The following FHIT variants were observed in gnomAD, a reference collection of about 807,000 sequenced individuals.
The protein encoded by FHIT is fragile histidine triad diadenosine triphosphatase.
In FHIT, 19 loss-of-function variants were observed where a neutral mutation model predicts 17.9. The observed-to-expected ratio is 1.06, with a 90% CI of 0.74 to 1.56. The LOEUF is 1.56. Among genes scored for constraint, FHIT ranks in the 40% most tolerant of loss-of-function variants. FHIT has a pLI of 0.00. For synonymous variants in FHIT, 81 were observed against 69.7 expected (o/e 1.16, Z -0.81); for missense variants, 248 against 189.2 (o/e 1.31, Z -1.82).
intron 8 of FHIT, among the ~76,000 whole-genome samples, chr3:59,852,156 T>C (rs1264306843): frequency 6.6e-6 from 1 of 152,164 alleles, no homozygotes; most frequent in East Asian, 1.9e-4. Context: ...TCCATCTCCT[T>C]AGGTAAACTA....
intron 8 of FHIT, among the ~76,000 whole-genome samples, chr3:59,913,027 A>C (rs1014131534): frequency 2.0e-5 from 3 of 152,224 alleles, no homozygotes; most frequent in African/African-American, 4.8e-5. Context: ...TGTTTAACAA[A>C]AACTATAAAA....
intron 5 of FHIT, among the ~76,000 whole-genome samples, chr3:60,380,712 C>T (rs996334570): frequency 6.6e-6 from 1 of 152,126 alleles, no homozygotes; most frequent in Non-Finnish European, 1.5e-5. Context: ...ATTAAAAATG[C>T]AAGCCAAATA....
intron 5 of FHIT, among the ~76,000 whole-genome samples, chr3:60,057,257 A>C (rs1009918854): frequency 6.6e-6 from 1 of 152,142 alleles, no homozygotes; most frequent in Non-Finnish European, 1.5e-5. Context: ...GAAGTAGACT[A>C]GGGGAGTTAA....
chr3:60,971,226 C>T (rs938174367), intron 3 of FHIT, among the ~76,000 whole-genome samples: 9 of 151,982 alleles, frequency 5.9e-5, no homozygotes, highest in Non-Finnish European at 1.2e-4. Context: ...AAAAGTTAGC[C>T]GAGCATGGTG....
At chr3:60,252,372 C>A (rs1291511220) in intron 5 of FHIT, among the ~76,000 whole-genome samples, 1 of 151,830 alleles carries the variant, frequency 6.6e-6, no homozygotes, top group Non-Finnish European at 1.5e-5. Context: ...AGCGAAACCC[C>A]GTCTCTATAA....
At chr3:60,571,350 A>T (rs2037375783) in intron 4 of FHIT, among the ~76,000 whole-genome samples, 1 of 149,596 alleles carries the variant, frequency 6.7e-6, no homozygotes. Context: ...AAAAAAAAAA[A>T]AAAAAAAAAA....
chr3:60,705,320 GA>G (rs2041347206), intron 4 of FHIT, among the ~76,000 whole-genome samples: 1 of 152,092 alleles, frequency 6.6e-6, no homozygotes, highest in African/African-American at 2.4e-5. Flanking sequence ...CTTCTTTACA[GA>G]TAAGAAAATG....
chr3:59,954,024 T>C lies in FHIT; in HGVS notation c.280-31610A>G, dbSNP rs1302264602. Among the ~76,000 whole-genome samples, 9 of 152,206 alleles carry C rather than the reference T, an allele frequency of 5.9e-5. 1 individual carries two copies. Among genetic ancestry groups the C allele is most frequent in the Admixed American group, 6.5e-5 (1 of 15,278 alleles). On this transcript the variant is annotated intron_variant, in intron 7 of 9. Coordinates refer to ENST00000492590, the MANE Select transcript of FHIT (RefSeq NM_002012.4). ...AATTTGTGAAACTTGTATTCCAGTG[T>C]TAATGCTGAAGTTGGGAAATGGCTC...
At chr3:60,903,683 C>G (rs1182253692) in intron 3 of FHIT, among the ~76,000 whole-genome samples, 1 of 152,144 alleles carries the variant, frequency 6.6e-6, no homozygotes, top group African/African-American at 2.4e-5. Context: ...TGAAGTTGCA[C>G]TATATCTCTA....
At chr3:59,769,985 C>G (rs191738755) in intron 8 of FHIT, among the ~76,000 whole-genome samples, 81 of 152,298 alleles carry the variant, frequency 5.3e-4, no homozygotes, top group Non-Finnish European at 9.0e-4. Flanking sequence ...TTCAACTGCT[C>G]TATGCATTGC....
At chr3:59,840,632 C>T (rs1701500831) in intron 8 of FHIT, among the ~76,000 whole-genome samples, 1 of 152,092 alleles carries the variant, frequency 6.6e-6, no homozygotes, top group Admixed American at 6.6e-5. Context: ...GTGTAGAAGC[C>T]TTGCCTCAAT....
chr3:60,852,208 T>C (rs1703182963), intron 3 of FHIT, among the ~76,000 whole-genome samples: 1 of 152,090 alleles, frequency 6.6e-6, no homozygotes, highest in Admixed American at 6.6e-5. Context: ...ACTGATTGTG[T>C]CCTGCCTTTG....
intron 3 of FHIT, among the ~76,000 whole-genome samples, chr3:60,940,539 A>C (rs1294282470): frequency 6.6e-6 from 1 of 152,184 alleles, no homozygotes; most frequent in Admixed American, 6.5e-5. Context: ...CGAATCCAAT[A>C]TACAAGTTAT....
At chr3:60,554,406 A>G (rs2036674256) in intron 4 of FHIT, among the ~76,000 whole-genome samples, 1 of 152,210 alleles carries the variant, frequency 6.6e-6, no homozygotes, top group Non-Finnish European at 1.5e-5. Context: ...GAGTAATCAA[A>G]ATTTCTACTA....
chr3:60,198,003 T>C (rs1338062936), intron 5 of FHIT, among the ~76,000 whole-genome samples: 1 of 152,182 alleles, frequency 6.6e-6, no homozygotes, highest in Non-Finnish European at 1.5e-5. Context: ...CACCTTCTGA[T>C]GATGGATAAA....
chr3:59,772,086 T>G (rs1307198633), intron 8 of FHIT, among the ~76,000 whole-genome samples: 3 of 152,242 alleles, frequency 2.0e-5, no homozygotes, highest in Non-Finnish European at 4.4e-5. Flanking sequence ...CCACAGTCAC[T>G]GGCTTGTATC....
At chr3:60,955,932 G>C (rs1392249694) in intron 3 of FHIT, among the ~76,000 whole-genome samples, 1 of 151,988 alleles carries the variant, frequency 6.6e-6, no homozygotes, top group African/African-American at 2.4e-5. Context: ...TAAGAAGGAA[G>C]GAAACTTTTT....
At chr3:60,795,719 T>C (rs567747693) in intron 4 of FHIT, among the ~76,000 whole-genome samples, 177 of 152,260 alleles carry the variant, frequency 1.2e-3, no homozygotes, top group Non-Finnish European at 1.8e-3. Flanking sequence ...TTCACCATGT[T>C]ACCCAGCCTG....
At chr3:60,100,071 C>A (rs1704127508) in intron 5 of FHIT, among the ~76,000 whole-genome samples, 1 of 152,236 alleles carries the variant, frequency 6.6e-6, no homozygotes, top group South Asian at 2.1e-4. Context: ...TGCCCTGACC[C>A]TGACAATCAG....
Sources: gnomAD v4.1 joint callset for allele counts (sites outside exome capture counted in the v4.1 genomes callset) on GRCh38, gnomAD v4.1.1 for gene constraint, MANE v1.5 for transcripts, NCBI Gene and HGNC (gene_info 2026-07-23, HGNC 2026-07-21) for gene names.